The following CACNA1D variants were observed in gnomAD, a reference collection of about 807,000 sequenced individuals.
CACNA1D encodes the protein voltage-dependent L-type calcium channel subunit alpha-1D.
A neutral mutation model predicts 257.1 loss-of-function variants in CACNA1D; 55 were observed. The observed-to-expected ratio is 0.21, with a 90% CI of 0.17 to 0.27. The LOEUF is 0.27. CACNA1D is among the 10% of genes least tolerant of loss of function. CACNA1D has a pLI of 1.00. For synonymous variants in CACNA1D, 980 were observed against 1,014.9 expected (o/e 0.97, Z 0.65); for missense variants, 1,876 against 2,784.0 (o/e 0.67, Z 7.34).
At chr3:53,765,404 C>G (rs1268961495) in intron 30 of CACNA1D, 1 of 152,632 alleles carries the variant, frequency 6.6e-6, no homozygotes, top group Admixed American at 6.5e-5. Context: ...CTCTGTTGAT[C>G]TTTCTTTTCT....
chr3:53,705,375 GAAAC>G (rs2094676261), intron 9 of CACNA1D, among the ~76,000 whole-genome samples: 1 of 152,114 alleles, frequency 6.6e-6, no homozygotes, highest in African/African-American at 2.4e-5. Context: ...ATCTAGGAAA[GAAAC>G]AAAACCTGTT....
At chr3:53,802,197 G>A in intron 43 of CACNA1D, 24 bp downstream of exon 43, 2 of 1,581,782 alleles carry the variant, frequency 1.3e-6, no homozygotes, top group Middle Eastern at 1.7e-4. Flanking sequence ...ACCTGTTTTT[G>A]TGTTAAATAC....
chr3:53,548,296 A>T (rs1303042080), intron 3 of CACNA1D, among the ~76,000 whole-genome samples: 2 of 150,764 alleles, frequency 1.3e-5, no homozygotes, highest in Non-Finnish European at 1.5e-5. Context: ...ATCCTTCTGG[A>T]GAGCTGAATT....
intron 3 of CACNA1D, among the ~76,000 whole-genome samples, chr3:53,507,277 A>T (rs1005284276): frequency 3.3e-5 from 5 of 152,010 alleles, no homozygotes; most frequent in African/African-American, 1.2e-4. Context: ...TACTTGATTG[A>T]GTATTGACGG....
chr3:53,526,041 G>A (rs116874462), intron 3 of CACNA1D, among the ~76,000 whole-genome samples: 10 of 152,182 alleles, frequency 6.6e-5, no homozygotes, highest in African/African-American at 1.7e-4. Context: ...CAGTTTCTAG[G>A]CCTACGCCTT....
intron 3 of CACNA1D, among the ~76,000 whole-genome samples, chr3:53,567,991 G>A (rs559283086): frequency 6.6e-6 from 1 of 152,244 alleles, no homozygotes; most frequent in South Asian, 2.1e-4. Context: ...AGAAGACCTT[G>A]CCTCACGACT....
intron 3 of CACNA1D, among the ~76,000 whole-genome samples, chr3:53,564,248 C>T (rs980405497): frequency 5.9e-5 from 9 of 152,048 alleles, no homozygotes; most frequent in African/African-American, 1.9e-4. Context: ...TCAACCACTG[C>T]CTCCTGGGTT....
chr3:53,631,669 A>G (rs1304831255), intron 3 of CACNA1D, among the ~76,000 whole-genome samples: 2 of 152,246 alleles, frequency 1.3e-5, no homozygotes, highest in African/African-American at 4.8e-5. Context: ...ATTGCTATCT[A>G]TGGGAGCTGG....
Position 53,811,478 on chromosome 3 carries a change from G to T in CACNA1D, c.*72G>T. ...AGAGCCAGGGGAAAAGTGCCTCATA[G>T]TTAGGAAAGTTTAGGCACTAGTTGG... On this transcript the variant is annotated 3_prime_UTR_variant, in exon 48 of 48. Coordinates refer to ENST00000350061, the MANE Select transcript of CACNA1D (RefSeq NM_001128840.3). The surrounding 1 kb of genome is among the most constrained non-coding windows in gnomAD (Gnocchi z 4.2). The T allele has an allele frequency of 1.5e-6, 2 of 1,312,758 alleles. No homozygotes were observed. The highest frequency in any genetic ancestry group is 2.1e-6 in the Non-Finnish European group (2 of 970,088). 81.3% of individuals were successfully genotyped at this position (1,312,758 alleles called of 1,614,324 possible).
intron 8 of CACNA1D, among the ~76,000 whole-genome samples, chr3:53,697,896 T>A (rs1275736103): frequency 1.3e-5 from 2 of 152,176 alleles, no homozygotes; most frequent in Non-Finnish European, 2.9e-5. Context: ...ATCTTGTACC[T>A]ACCCTACCCT....
At chr3:53,758,362 C>T (rs558461029) in intron 29 of CACNA1D, among the ~76,000 whole-genome samples, 152 of 152,278 alleles carry the variant, frequency 1.0e-3, no homozygotes, top group African/African-American at 3.4e-3. Flanking sequence ...AGGCTTCTAC[C>T]GATCTGCAGA....
At chr3:53,573,686 C>G (rs888211858) in intron 3 of CACNA1D, among the ~76,000 whole-genome samples, 1 of 152,214 alleles carries the variant, frequency 6.6e-6, no homozygotes, top group African/African-American at 2.4e-5. Flanking sequence ...TTCTTCTGTT[C>G]TTTCACTGTT....
chr3:53,716,779 T>G (rs1441314759), intron 9 of CACNA1D, among the ~76,000 whole-genome samples: 1 of 152,166 alleles, frequency 6.6e-6, no homozygotes, highest in Non-Finnish European at 1.5e-5. Flanking sequence ...GCGTGGAGGC[T>G]CCCATGCAGG....
intron 19 of CACNA1D, 38 bp from the exon 20 acceptor site, chr3:53,735,336 A>G (rs764355247): frequency 6.2e-7 from 1 of 1,607,464 alleles, no homozygotes. Context: ...GTTCCACCCT[A>G]TCTGGGACTG....
intron 3 of CACNA1D, among the ~76,000 whole-genome samples, chr3:53,579,778 C>T (rs2093099902): frequency 6.6e-6 from 1 of 152,152 alleles, no homozygotes; most frequent in Non-Finnish European, 1.5e-5. Context: ...GGTGTGATCC[C>T]CTCCTACTGT....
chr3:53,682,387 A>AAAAAAC (rs1553634129), intron 8 of CACNA1D, among the ~76,000 whole-genome samples: 5 of 146,644 alleles, frequency 3.4e-5, no homozygotes, highest in African/African-American at 1.3e-4. Context: ...AAAAAAAAAA[A>AAAAAAC]AAAAAAAAAC....
chr3:53,805,213 G>A (rs534793064), intron 45 of CACNA1D, 67 bp downstream of exon 45: 36 of 1,481,596 alleles, frequency 2.4e-5, no homozygotes, highest in African/African-American at 2.1e-4. Flanking sequence ...CCCAACCCCC[G>A]CTCTGGGGGC....
rs562979281 is a variant in CACNA1D, at chr3:53,654,051, T to A, written c.623+3133T>A. On this transcript the variant is annotated intron_variant, in intron 4 of 47. Coordinates refer to ENST00000350061, the MANE Select transcript of CACNA1D (RefSeq NM_001128840.3). ...ATGTCAACCTAGGATTCTCACTCAG[T>A]AAAATATCTTTCAGAGTTAAAGTCA... Among the ~76,000 whole-genome samples, 269 of 152,272 alleles carry A rather than the reference T, an allele frequency of 1.8e-3. 1 individual carries two copies. Among genetic ancestry groups the A allele is most frequent in the Non-Finnish European group, 2.8e-3 (190 of 68,004 alleles).
At chr3:53,607,314 G>C (rs368655286) in intron 3 of CACNA1D, among the ~76,000 whole-genome samples, 1 of 152,242 alleles carries the variant, frequency 6.6e-6, no homozygotes, top group Non-Finnish European at 1.5e-5. Context: ...TGTGCAGATG[G>C]AATTAAGCTT....
Sources: gnomAD v4.1 joint callset for allele counts (sites outside exome capture counted in the v4.1 genomes callset) on GRCh38, gnomAD v4.1.1 for gene constraint, Gnocchi (gnomAD v3.1) non-coding constraint, MANE v1.5 for transcripts, NCBI Gene and HGNC (gene_info 2026-07-23, HGNC 2026-07-21) for gene names.